Variants in IGFL2 observed in about 807,000 individuals in gnomAD.
IGFL2 encodes IGF like family member 2.
IGFL2 carries 7 observed loss-of-function variants against 13.9 expected under a neutral mutation model. The observed-to-expected ratio is 0.51, with a 90% CI of 0.29 to 0.95. The LOEUF (loss-of-function observed/expected upper bound fraction) is 0.95, where lower values mean the gene tolerates loss of function less well. Among genes scored for constraint, IGFL2 ranks in the 40% least tolerant of loss-of-function variants. IGFL2 has a pLI of 0.08. For missense variants in IGFL2, 138 were observed against 147.8 expected (o/e 0.93, Z 0.34); for synonymous variants, 55 against 55.8 (o/e 0.99, Z 0.07).
At chr19:46,145,711 G>T (rs1973102207), upstream of IGFL2, among the ~76,000 whole-genome samples, 1 of 151,058 alleles carries the variant, frequency 6.6e-6, no homozygotes, top group Non-Finnish European at 1.5e-5. Context: ...TATCTCACTG[G>T]TTTTAATTTG....
chr19:46,080,767 TC>T, the IGFL2 span, among the ~76,000 whole-genome samples: 1 of 152,172 alleles, frequency 6.6e-6, no homozygotes, highest in East Asian at 1.9e-4. Context: ...TTCTGTGGTG[TC>T]TGTGGTTTGG....
chr19:46,119,886 C>T, the IGFL2 span, among the ~76,000 whole-genome samples: 3 of 150,614 alleles, frequency 2.0e-5, no homozygotes, highest in South Asian at 6.3e-4. Context: ...TGTGTACTGG[C>T]CCTGCAGCAG....
At chr19:46,207,994 C>A in the IGFL2 span, 1 of 152,190 alleles carries the variant, frequency 6.6e-6, no homozygotes, top group Non-Finnish European at 1.5e-5. Context: ...AACACTTCAG[C>A]CACCGCATCT....
At chr19:46,180,965 G>A in the IGFL2 span, among the ~76,000 whole-genome samples, 1 of 152,204 alleles carries the variant, frequency 6.6e-6, no homozygotes, top group Non-Finnish European at 1.5e-5. Context: ...TGGGTCTGCT[G>A]CTCCCAGTGC....
the IGFL2 span, among the ~76,000 whole-genome samples, chr19:46,169,041 A>G: frequency 1.5e-3 from 230 of 152,122 alleles, 1 homozygote; most frequent in African/African-American, 4.9e-3. Context: ...CTAGCTCCAC[A>G]AATTTTTCTT....
At chr19:46,201,007 G>T in the IGFL2 span, among the ~76,000 whole-genome samples, 1 of 152,202 alleles carries the variant, frequency 6.6e-6, no homozygotes. Context: ...TACTCAAGCA[G>T]TTATACCACC....
At chr19:46,137,388 GC>G in the IGFL2 span, 3 of 1,073,914 alleles carry the variant, frequency 2.8e-6, no homozygotes, top group Non-Finnish European at 4.3e-6. Context: ...AGATATGTTT[GC>G]TGGGACAACA....
At chr19:46,129,883 A>G in the IGFL2 span, among the ~76,000 whole-genome samples, 1 of 152,002 alleles carries the variant, frequency 6.6e-6, no homozygotes, top group Non-Finnish European at 1.5e-5. Flanking sequence ...GGCCCATTTG[A>G]TCCAGTGCTG....
the IGFL2 span, among the ~76,000 whole-genome samples, chr19:46,081,879 T>C: frequency 1.3e-5 from 2 of 152,252 alleles, no homozygotes; most frequent in African/African-American, 4.8e-5. Context: ...ATTGCAGTCT[T>C]GTGCTACCTG....
the IGFL2 span, among the ~76,000 whole-genome samples, chr19:46,106,927 C>T: frequency 1.1e-4 from 17 of 151,884 alleles, no homozygotes; most frequent in African/African-American, 3.9e-4. Flanking sequence ...GGGGAGGATT[C>T]GAAGGAGGCT....
the IGFL2 span, chr19:46,137,025 T>G: frequency 5.7e-6 from 9 of 1,584,338 alleles, no homozygotes; most frequent in Non-Finnish European, 6.9e-6. Flanking sequence ...TTCAATGCAG[T>G]CACAGTGGCA....
At chr19:46,194,850 ATATTTTTTTTTT>A in the IGFL2 span, among the ~76,000 whole-genome samples, 24 of 35,618 alleles carry the variant, frequency 6.7e-4, no homozygotes, top group Non-Finnish European at 8.1e-4. Flanking sequence ...ATATATATAT[ATATTTTTTTTTT>A]TTTTTTTTTT....
At chr19:46,168,059 C>T in the IGFL2 span, among the ~76,000 whole-genome samples, 6 of 152,070 alleles carry the variant, frequency 3.9e-5, no homozygotes, top group East Asian at 1.9e-4. Flanking sequence ...AAGTCAAAGC[C>T]GTGAATACCG....
At chr19:46,141,396 A>G (rs1972852220), upstream of IGFL2, among the ~76,000 whole-genome samples, 3 of 152,306 alleles carry the variant, frequency 2.0e-5, no homozygotes, top group South Asian at 6.2e-4. Context: ...CGCCAGGATC[A>G]CAGAGTGGGG....
At chr19:46,186,410 G>C in the IGFL2 span, among the ~76,000 whole-genome samples, 1 of 152,312 alleles carries the variant, frequency 6.6e-6, no homozygotes, top group South Asian at 2.1e-4. Flanking sequence ...AAGCGTTCCA[G>C]GACCCTGGCA....
chr19:46,165,432 G>T (rs558271780), downstream of IGFL2, among the ~76,000 whole-genome samples: 1 of 152,352 alleles, frequency 6.6e-6, no homozygotes, highest in South Asian at 2.1e-4. Flanking sequence ...TTGGCTGAAG[G>T]ACACCTTCCA....
chr19:46,147,069 G>T (rs1973174915), upstream of IGFL2, among the ~76,000 whole-genome samples: 1 of 152,102 alleles, frequency 6.6e-6, no homozygotes, highest in Non-Finnish European at 1.5e-5. Context: ...AACAAAAAGG[G>T]GCTGCCTTTC....
chr19:46,132,865 C>T, the IGFL2 span, among the ~76,000 whole-genome samples: 1 of 152,278 alleles, frequency 6.6e-6, no homozygotes, highest in South Asian at 2.1e-4. Context: ...CTGAGTTGAT[C>T]AGATCCAGGT....
the IGFL2 span, among the ~76,000 whole-genome samples, chr19:46,128,643 ACAT>A: frequency 6.6e-6 from 1 of 152,212 alleles, no homozygotes; most frequent in African/African-American, 2.4e-5. Context: ...GCAATGAATC[ACAT>A]TTATTGATTT....
Sources: allele counts gnomAD v4.1 joint callset (sites outside exome capture counted in the v4.1 genomes callset), GRCh38; gene constraint gnomAD v4.1.1; transcripts MANE v1.5; gene names NCBI Gene and HGNC (gene_info 2026-07-23, HGNC 2026-07-21).